Variants in GLIS3 observed in about 807,000 individuals in gnomAD.
The protein encoded by GLIS3 is zinc finger protein GLIS3.
In GLIS3, 53 loss-of-function variants were observed where a neutral mutation model predicts 78.6. The ratio of observed to expected loss-of-function variants is 0.67; its 90% CI spans 0.54 to 0.85. GLIS3 has a LOEUF of 0.85. Ranked by LOEUF, GLIS3 falls within the 40% of genes least tolerant of loss-of-function variation. The probability of loss-of-function intolerance (pLI) is 0.00; values close to 1 mark genes in which losing one functional copy is unlikely to be tolerated. For missense variants in GLIS3, 1,703 were observed against 1,231.1 expected (o/e 1.38, Z -5.74); for synonymous variants, 684 against 509.9 (o/e 1.34, Z -4.60).
the GLIS3 span, among the ~76,000 whole-genome samples, chr9:4,487,836 T>G: frequency 6.6e-6 from 1 of 151,990 alleles, no homozygotes; most frequent in Non-Finnish European, 1.5e-5. Flanking sequence ...TACAGGCATG[T>G]GCCATCATGG....
chr9:4,223,450 A>G (rs993757071), intron 2 of GLIS3, among the ~76,000 whole-genome samples: 1 of 152,234 alleles, frequency 6.6e-6, no homozygotes, highest in Non-Finnish European at 1.5e-5. Flanking sequence ...CAAACCATAC[A>G]GAGCCAAGTT....
At chr9:4,089,429 A>T (rs1355352084) in intron 4 of GLIS3, among the ~76,000 whole-genome samples, 2 of 152,228 alleles carry the variant, frequency 1.3e-5, no homozygotes, top group Admixed American at 6.5e-5. Context: ...TACATACACG[A>T]CCTTACAAAT....
At chr9:3,996,638 G>A (rs1820761228) in intron 4 of GLIS3, among the ~76,000 whole-genome samples, 1 of 152,024 alleles carries the variant, frequency 6.6e-6, no homozygotes, top group South Asian at 2.1e-4. Context: ...GAAAAAAACT[G>A]CAAAACTAAC....
chr9:4,137,343 T>C (rs1351398827), intron 2 of GLIS3, among the ~76,000 whole-genome samples: 1 of 152,188 alleles, frequency 6.6e-6, no homozygotes, highest in Admixed American at 6.5e-5. Flanking sequence ...CTTCCATGTT[T>C]ATCCCACAAA....
chr9:3,838,770 TA>T (rs1256347348), intron 9 of GLIS3, among the ~76,000 whole-genome samples: 5 of 152,070 alleles, frequency 3.3e-5, no homozygotes, highest in African/African-American at 1.2e-4. Context: ...AGAAAGAAGA[TA>T]AATGTCCTCA....
intron 2 of GLIS3, among the ~76,000 whole-genome samples, chr9:4,257,622 G>C (rs937822995): frequency 4.1e-5 from 6 of 145,594 alleles, no homozygotes; most frequent in Non-Finnish European, 9.1e-5. Flanking sequence ...CGCCCAGGTT[G>C]GAGTGCACTG....
chr9:4,485,634 G>A, the GLIS3 span, among the ~76,000 whole-genome samples: 1 of 151,854 alleles, frequency 6.6e-6, no homozygotes, highest in Admixed American at 6.6e-5. Flanking sequence ...CAGTGTTTCA[G>A]TGAATCAGCT....
chr9:4,040,004 G>C (rs1420294180), intron 4 of GLIS3, among the ~76,000 whole-genome samples: 1 of 152,300 alleles, frequency 6.6e-6, no homozygotes, highest in East Asian at 1.9e-4. Context: ...GGAGAGCCAA[G>C]AGAAGTCCTA....
chr9:4,444,219 C>T, the GLIS3 span, among the ~76,000 whole-genome samples: 1 of 152,176 alleles, frequency 6.6e-6, no homozygotes, highest in Non-Finnish European at 1.5e-5. Flanking sequence ...CATACAAAGG[C>T]TCTTCTGCAA....
At chr9:4,059,083 A>G (rs1826402849) in intron 4 of GLIS3, among the ~76,000 whole-genome samples, 1 of 152,068 alleles carries the variant, frequency 6.6e-6, no homozygotes, top group Non-Finnish European at 1.5e-5. Context: ...TCTATAGTTG[A>G]TCTAGGTCTG....
chr9:4,427,218 C>A, the GLIS3 span, among the ~76,000 whole-genome samples: 1 of 152,154 alleles, frequency 6.6e-6, no homozygotes, highest in Non-Finnish European at 1.5e-5. Flanking sequence ...TTTGGAAAAA[C>A]CATCCTGATT....
chr9:4,155,390 C>A (rs183208959), intron 2 of GLIS3, among the ~76,000 whole-genome samples: 1 of 152,210 alleles, frequency 6.6e-6, no homozygotes, highest in Admixed American at 6.5e-5. Context: ...AATCAAGTAA[C>A]TTTCCCAAGC....
intron 8 of GLIS3, among the ~76,000 whole-genome samples, chr9:3,863,175 T>A (rs2130313651): frequency 6.6e-6 from 1 of 152,336 alleles, no homozygotes; most frequent in South Asian, 2.1e-4. Context: ...TTTAGTGGTC[T>A]TTATAACGAT....
At chr9:4,448,323 G>A in the GLIS3 span, among the ~76,000 whole-genome samples, 1 of 152,242 alleles carries the variant, frequency 6.6e-6, no homozygotes, top group African/African-American at 2.4e-5. Context: ...AGCCACACAA[G>A]TAGAGTTACC....
At chr9:4,212,020 G>A (rs1820423974) in intron 2 of GLIS3, among the ~76,000 whole-genome samples, 2 of 152,154 alleles carry the variant, frequency 1.3e-5, no homozygotes, top group Admixed American at 6.5e-5. Context: ...GCTGGGAGTG[G>A]GAAAGAGGAT....
the GLIS3 span, among the ~76,000 whole-genome samples, chr9:4,393,293 C>A: frequency 6.6e-6 from 1 of 152,044 alleles, no homozygotes; most frequent in Admixed American, 6.6e-5. Flanking sequence ...GCTTTTATCC[C>A]CTAAGTCATT....
intron 6 of GLIS3, among the ~76,000 whole-genome samples, chr9:3,930,512 A>C (rs1392364176): frequency 2.0e-5 from 3 of 152,228 alleles, no homozygotes; most frequent in Non-Finnish European, 2.9e-5. Context: ...TCACACAATC[A>C]AAACTACTCT....
At chr9:4,251,849 C>G (rs568895630) in intron 2 of GLIS3, among the ~76,000 whole-genome samples, 13 of 152,286 alleles carry the variant, frequency 8.5e-5, no homozygotes, top group South Asian at 4.1e-4. Flanking sequence ...GATTTTATTT[C>G]TCCTTCACTT....
chr9:4,092,196 G>T (rs1462564696), intron 4 of GLIS3, among the ~76,000 whole-genome samples: 2 of 144,432 alleles, frequency 1.4e-5, no homozygotes, highest in Admixed American at 1.4e-4. Context: ...CTGTTGCTCA[G>T]ACTGGAGTGG....
Sources: allele counts gnomAD v4.1 joint callset (sites outside exome capture counted in the v4.1 genomes callset), GRCh38; gene constraint gnomAD v4.1.1; transcripts MANE v1.5; gene names NCBI Gene and HGNC (gene_info 2026-07-23, HGNC 2026-07-21).